The following CNOT10 variants were observed in gnomAD, a reference collection of about 807,000 sequenced individuals.
CNOT10 encodes the protein CCR4-NOT transcription complex, subunit 10.
Under a neutral mutation model 94.6 loss-of-function variants are expected in CNOT10, and 30 were observed. The ratio of observed to expected loss-of-function variants is 0.32; its 90% CI spans 0.24 to 0.43. The LOEUF (loss-of-function observed/expected upper bound fraction) is 0.43, where lower values mean the gene tolerates loss of function less well. Among genes scored for constraint, CNOT10 ranks in the 20% least tolerant of loss-of-function variants. The pLI, the probability that CNOT10 is intolerant of heterozygous loss-of-function variation, is 1.00. For missense variants in CNOT10, 759 were observed against 877.2 expected (o/e 0.87, Z 1.70); for synonymous variants, 289 against 301.6 (o/e 0.96, Z 0.43).
At position 32,764,691 on chromosome 3, in the gene CNOT10, G is replaced by A. The variant is rs767091551; in HGVS notation, c.1886G>A (p.Arg629Gln). The change falls in exon 17 of 19, where the codon CGG (arginine) becomes CAG (glutamine). Residue 629 changes from arginine to glutamine, a missense_variant. Physicochemically the swap from Arg to Gln is conservative, Grantham distance 43. Transcript: ENST00000328834. ...ENEAMESSGKRAPQCYPSSVN... is the reference protein window; with the variant it reads ...ENEAMESSGKQAPQCYPSSVN... ...CACTCTTTTTCCCCAGCTGGTAAGC[G>A]GGCCCCTCAGTGCTACCCCAGTTCC... 2.0e-5 allele frequency: 32 copies of A among 1,613,692 alleles called. No homozygotes were observed. The highest frequency in any genetic ancestry group is 5.5e-5 in the South Asian group (5 of 91,032).
chr3:32,734,213 CATTTCAAA>C (rs1467458653), intron 11 of CNOT10, among the ~76,000 whole-genome samples: 2 of 152,120 alleles, frequency 1.3e-5, no homozygotes, highest in East Asian at 3.8e-4. Flanking sequence ...TATGATAAAG[CATTTCAAA>C]GTTTTAAAGC....
At chr3:32,760,898 C>G (rs7637608) in intron 14 of CNOT10, among the ~76,000 whole-genome samples, 8,862 of 151,754 alleles carry the variant, frequency 0.058, 286 homozygotes, top group Middle Eastern at 0.088. Flanking sequence ...GGAGGCCTAC[C>G]TGGGCAAATC....
intron 13 of CNOT10, among the ~76,000 whole-genome samples, chr3:32,756,549 A>G (rs1240907047): frequency 6.6e-6 from 1 of 152,162 alleles, no homozygotes; most frequent in African/African-American, 2.4e-5. Context: ...CCTAGACTCT[A>G]GGACCTAGAT....
At chr3:32,747,204 T>TC (rs1454322206) in intron 13 of CNOT10, among the ~76,000 whole-genome samples, 3 of 151,754 alleles carry the variant, frequency 2.0e-5, no homozygotes, top group Non-Finnish European at 4.4e-5. Flanking sequence ...TCACCTGAGG[T>TC]CAAGAGTTCG....
chr3:32,709,772 T>C (rs114431703), intron 4 of CNOT10, among the ~76,000 whole-genome samples: 303 of 152,354 alleles, frequency 2.0e-3, no homozygotes, highest in Non-Finnish European at 2.9e-3. Context: ...TTTAGGACTG[T>C]ACACATTTTT....
At chr3:32,721,060 C>CGTTTTTTTTTTTTTTTTTTTTTT (rs779437501) in intron 8 of CNOT10, among the ~76,000 whole-genome samples, 1 of 97,694 alleles carries the variant, frequency 1.0e-5, no homozygotes, top group Non-Finnish European at 1.9e-5. Flanking sequence ...TCTTTCCTTT[C>CGTTTTTTTTTTTTTTTTTTTTTT]TTTTTTTTTT....
At chr3:32,733,895 C>A (rs888035947) in intron 11 of CNOT10, among the ~76,000 whole-genome samples, 2 of 151,946 alleles carry the variant, frequency 1.3e-5, no homozygotes, top group Admixed American at 1.3e-4. Context: ...TTCTTATAGT[C>A]CCTAGGACTG....
intron 5 of CNOT10, among the ~76,000 whole-genome samples, chr3:32,715,665 C>G (rs1698086599): frequency 6.6e-6 from 1 of 151,994 alleles, no homozygotes; most frequent in Non-Finnish European, 1.5e-5. Context: ...CAGTGGAGAC[C>G]CCCGTCTCTA....
intron 13 of CNOT10, among the ~76,000 whole-genome samples, chr3:32,741,465 C>CT (rs1699457440): frequency 6.6e-6 from 1 of 151,986 alleles, no homozygotes; most frequent in Non-Finnish European, 1.5e-5. Flanking sequence ...AGTTACATGT[C>CT]TAATATTTTA....
chr3:32,756,535 T>C (rs1281879792), intron 13 of CNOT10, among the ~76,000 whole-genome samples: 1 of 152,202 alleles, frequency 6.6e-6, no homozygotes, highest in South Asian at 2.1e-4. Context: ...GAAGTGGGTC[T>C]TGTCCTAGAC....
chr3:32,766,003 ATTTTT>A (rs755221571), intron 17 of CNOT10, among the ~76,000 whole-genome samples: 2 of 33,368 alleles, frequency 6.0e-5, no homozygotes, highest in Admixed American at 4.2e-4. Flanking sequence ...TATGCTTTTA[ATTTTT>A]TTTTTTTTTT....
At chr3:32,689,135 C>G (rs1696749060) in intron 1 of CNOT10, among the ~76,000 whole-genome samples, 1 of 152,028 alleles carries the variant, frequency 6.6e-6, no homozygotes, top group Non-Finnish European at 1.5e-5. Context: ...AGTGGATCAC[C>G]TGAGGACAGG....
chr3:32,699,217 A>C (rs186453720), intron 1 of CNOT10, among the ~76,000 whole-genome samples: 108 of 152,296 alleles, frequency 7.1e-4, no homozygotes, highest in Middle Eastern at 6.8e-3. Flanking sequence ...TCAGAGGTAC[A>C]TATTTGTGTA....
chr3:32,763,385 T>A (rs751147493), intron 15 of CNOT10, among the ~76,000 whole-genome samples: 7 of 152,288 alleles, frequency 4.6e-5, no homozygotes, highest in Non-Finnish European at 8.8e-5. Context: ...GTGCGGTGGC[T>A]CACACCTGTA....
At chr3:32,762,707 G>A (rs1333164866) in intron 14 of CNOT10, 26 bp from the exon 15 acceptor site, 1 of 1,578,878 alleles carries the variant, frequency 6.3e-7, no homozygotes, top group Non-Finnish European at 8.6e-7. Flanking sequence ...GTACTTTTCA[G>A]TTTGGAATCT....
At chr3:32,756,689 A>G (rs1383310429) in intron 13 of CNOT10, among the ~76,000 whole-genome samples, 1 of 152,240 alleles carries the variant, frequency 6.6e-6, no homozygotes, top group African/African-American at 2.4e-5. Flanking sequence ...TTCTTTAACA[A>G]ATACTTATTA....
At chr3:32,747,925 C>T (rs1461037847) in intron 13 of CNOT10, among the ~76,000 whole-genome samples, 1 of 151,996 alleles carries the variant, frequency 6.6e-6, no homozygotes, top group Non-Finnish European at 1.5e-5. Flanking sequence ...TCCAGCCCAG[C>T]GACAGAGCAA....
chr3:32,735,698 A>C (rs561465442), intron 12 of CNOT10, among the ~76,000 whole-genome samples: 3 of 152,304 alleles, frequency 2.0e-5, no homozygotes, highest in African/African-American at 7.2e-5. Context: ...TGACAGAATG[A>C]GACTCCATCT....
intron 13 of CNOT10, among the ~76,000 whole-genome samples, chr3:32,758,780 A>G (rs1442152640): frequency 1.3e-5 from 2 of 152,218 alleles, no homozygotes; most frequent in Admixed American, 6.5e-5. Flanking sequence ...ACCAAATATT[A>G]TAGAAACTTA....
Sources: allele counts gnomAD v4.1 joint callset (sites outside exome capture counted in the v4.1 genomes callset), GRCh38; gene constraint gnomAD v4.1.1; transcripts MANE v1.5; gene names NCBI Gene and HGNC (gene_info 2026-07-23, HGNC 2026-07-21).